Variants in PRDM2 observed in about 807,000 individuals in gnomAD.
The protein encoded by PRDM2 is PR domain zinc finger protein 2.
A neutral mutation model predicts 130.0 loss-of-function variants in PRDM2; 30 were observed. The ratio of observed to expected loss-of-function variants is 0.23; its 90% confidence interval spans 0.17 to 0.31. The LOEUF (loss-of-function observed/expected upper bound fraction) is 0.31, where lower values mean the gene tolerates loss of function less well. PRDM2 is among the 10% of genes least tolerant of loss of function. PRDM2 has a pLI of 1.00. For synonymous variants in PRDM2, 871 were observed against 782.4 expected, an observed-to-expected ratio of 1.11 and a Z score of -1.89; for missense variants, 2,011 against 2,108.4, an observed-to-expected ratio of 0.95 and a Z score of 0.90.
chr1:13,781,717 C>G lies in PRDM2; in HGVS notation c.3922C>G (p.Arg1308Gly). The change falls in exon 8 of 10, where the codon CGT (arginine) becomes GGT (glycine). Residue 1308 changes from arginine to glycine, a missense_variant. Coordinates refer to ENST00000311066, the MANE Select transcript of PRDM2 (RefSeq NM_001393986.1). This position sits in a 1 kb window ranked among gnomAD's most constrained non-coding sequence, Gnocchi z 6.1. ...FKPPPFQYHH[R>G]NPMGIGVTAT... ...ACCACCTCCATTTCAGTACCATCACCGTAACCCCATGGGGATTGGTGTGAC... is the reference window on the plus strand; with the variant it reads ...ACCACCTCCATTTCAGTACCATCACGGTAACCCCATGGGGATTGGTGTGAC... The G allele has an allele frequency of 2.5e-6, 4 of 1,614,170 alleles. No homozygotes were observed. The highest frequency in any genetic ancestry group is 3.4e-6 in the Non-Finnish European group (4 of 1,180,028).
intron 2 of PRDM2, among the ~76,000 whole-genome samples, chr1:13,718,489 G>A (rs1019232848): frequency 6.6e-6 from 1 of 152,176 alleles, no homozygotes; most frequent in African/African-American, 2.4e-5. Context: ...GGACTGTTGC[G>A]CTCAGTTGTA....
intron 6 of PRDM2, among the ~76,000 whole-genome samples, chr1:13,754,121 G>A (rs541837891): frequency 1.1e-3 from 162 of 152,258 alleles, no homozygotes; most frequent in Non-Finnish European, 1.6e-3. Context: ...GAAGTTCTAG[G>A]GGCTGAGGTC....
chr1:13,753,333 T>A lies in PRDM2; in HGVS notation c.511+3846T>A, dbSNP rs1483436176. On this transcript the variant is annotated intron_variant, in intron 6 of 9. Coordinates refer to ENST00000311066, the MANE Select transcript of PRDM2 (RefSeq NM_001393986.1). ...TCAGTTAGTAGGTTCAGATAGTCCT[T>A]CCTAAAAACCGTCAGTAGTGCCTGA... Among the ~76,000 whole-genome samples, 4 of 152,324 alleles carry A rather than the reference T, an allele frequency of 2.6e-5. No individual in the cohort carries two copies. The East Asian group carries it at 7.7e-4, about 29-fold the overall frequency.
chr1:13,823,106 C>T (rs2697969), intron 9 of PRDM2, 53 bp from the exon 10 acceptor site: 1,149,220 of 1,527,838 alleles, frequency 0.75, 433,426 homozygotes, highest in Middle Eastern at 0.79. Context: ...CCACCATGGT[C>T]GGCACTGAAT....
rs557213416 is a variant in PRDM2 at position 13,773,050 on chromosome 1, G to A, written c.512-28G>A. Reference sequence around the variant, plus strand: ...ATGAATAAATAAAAAAAAAATGAATGAATAAATTAAAAAAAATTGTGTTTC... The same window carrying A: ...ATGAATAAATAAAAAAAAAATGAATAAATAAATTAAAAAAAATTGTGTTTC... On this transcript the variant is annotated intron_variant, in intron 6 of 9. Coordinates refer to ENST00000311066, the MANE Select transcript of PRDM2 (RefSeq NM_001393986.1). 3.7e-5 allele frequency: 46 copies of A among 1,258,624 alleles called. 1 individual carries two copies. In the South Asian group the frequency reaches 6.7e-4, roughly 18 times the overall value. The allele number at this position is 1,258,624 out of a possible 1,614,324, so 78.0% of individuals were successfully genotyped here.
intron 8 of PRDM2, among the ~76,000 whole-genome samples, chr1:13,788,453 A>G (rs1283636702): frequency 6.6e-6 from 1 of 152,256 alleles, no homozygotes; most frequent in Non-Finnish European, 1.5e-5. Context: ...AAGTTGTGAC[A>G]TACTCAGTTT....
rs780266899 is a variant in PRDM2 at position 13,780,143 on chromosome 1, C to T, written c.2348C>T (p.Ala783Val). 2.5e-6 allele frequency: 4 copies of T among 1,608,584 alleles called. No homozygotes were observed. Among genetic ancestry groups the T allele is most frequent in the African/African-American group, 2.7e-5 (2 of 74,880 alleles). The change falls in exon 8 of 10, where the codon GCA becomes GTA. Residue 783 changes from alanine to valine, a missense_variant. This residue lies in a region of PRDM2 where 1,288 missense variants were observed against 1,237.7 expected (regional missense o/e 1.04). Transcript: ENST00000311066. ...SKLESHSDSP[A>V]WSLSGRDERE... ...TTAGAAAGTCACAGCGACTCACCAGCATGGAGTTTGTCTGGGAGAGATGAG... is the reference window on the plus strand; with the variant it reads ...TTAGAAAGTCACAGCGACTCACCAGTATGGAGTTTGTCTGGGAGAGATGAG...
chr1:13,701,801 T>C (rs960889849), intron 1 of PRDM2, among the ~76,000 whole-genome samples: 1 of 152,238 alleles, frequency 6.6e-6, no homozygotes, highest in African/African-American at 2.4e-5. Flanking sequence ...TGAAATAAGT[T>C]AATACATTTT....
intron 6 of PRDM2, among the ~76,000 whole-genome samples, chr1:13,752,856 TATC>T: frequency 6.6e-6 from 1 of 152,306 alleles, no homozygotes; most frequent in African/African-American, 2.4e-5. Context: ...TAAAAATGAA[TATC>T]ATCATATCGA....
intron 6 of PRDM2, among the ~76,000 whole-genome samples, chr1:13,762,247 C>G (rs1197208393): frequency 1.3e-5 from 2 of 152,210 alleles, no homozygotes; most frequent in Non-Finnish European, 2.9e-5. Flanking sequence ...GGGATTATTT[C>G]TTGTTAATCA....
chr1:13,762,562 T>A (rs115718893), intron 6 of PRDM2, among the ~76,000 whole-genome samples: 2,231 of 152,264 alleles, frequency 0.015, 26 homozygotes, highest in South Asian at 0.036. Flanking sequence ...CAAGCCCTAG[T>A]CCTCTGTGAG....
At chr1:13,769,985 C>T (rs1447875618) in intron 6 of PRDM2, among the ~76,000 whole-genome samples, 1 of 152,132 alleles carries the variant, frequency 6.6e-6, no homozygotes, top group Non-Finnish European at 1.5e-5. Context: ...AGTTAAACAT[C>T]TTCCAGTGCA....
chr1:13,814,639 C>T (rs1327559662), intron 8 of PRDM2, among the ~76,000 whole-genome samples: 5 of 152,310 alleles, frequency 3.3e-5, no homozygotes, highest in African/African-American at 1.2e-4. Flanking sequence ...GGTAGCAGCA[C>T]CCTTCCCTCA....
chr1:13,704,695 C>G (rs1228345041), intron 1 of PRDM2, among the ~76,000 whole-genome samples: 1 of 152,142 alleles, frequency 6.6e-6, no homozygotes, highest in Non-Finnish European at 1.5e-5. Context: ...CTATTAAGAC[C>G]TATGTTAAAC....
In PRDM2 at chr1:13,803,442, C is replaced by T. The variant is rs1182490323; in HGVS notation, c.5037-12985C>T. Among the ~76,000 whole-genome samples the T allele has an allele frequency of 2.6e-5, 4 of 152,174 alleles. No homozygotes were observed. The highest frequency in any genetic ancestry group is 4.4e-5 in the Non-Finnish European group (3 of 68,040). On this transcript the variant is annotated intron_variant, in intron 8 of 9. Coordinates refer to ENST00000311066, the MANE Select transcript of PRDM2 (RefSeq NM_001393986.1). This position sits in a 1 kb window ranked among gnomAD's most constrained non-coding sequence, Gnocchi z 6.2. ...GGAGCCAGGTGGGTAGAGCCAGTTA[C>T]AGAGATCTGAGTGCCCTCAGCGAGT...
chr1:13,804,905 G>C (rs1221293069), intron 8 of PRDM2, among the ~76,000 whole-genome samples: 1 of 152,186 alleles, frequency 6.6e-6, no homozygotes, highest in Non-Finnish European at 1.5e-5. Flanking sequence ...ACCCCCACCT[G>C]GCTTTGGGAT....
intron 1 of PRDM2, among the ~76,000 whole-genome samples, chr1:13,711,385 G>GAATACA: frequency 6.6e-6 from 1 of 152,008 alleles, no homozygotes; most frequent in Non-Finnish European, 1.5e-5. Flanking sequence ...AGTTGCTTTA[G>GAATACA]TATTCTATTG....
intron 6 of PRDM2, among the ~76,000 whole-genome samples, chr1:13,752,557 CCT>C (rs995693190): frequency 1.1e-4 from 16 of 152,154 alleles, no homozygotes; most frequent in African/African-American, 3.1e-4. Context: ...ATTTCTGTCC[CCT>C]GTTTGTTTTG....
In PRDM2 at chr1:13,803,737, T is replaced by C. The variant is rs1645044684; in HGVS notation, c.5037-12690T>C. ...GGCAGGTTCTCCGGGCCGAGGTCACTGCAGGCCAGGCCGGGCCAGCCTCCC... is the reference window on the plus strand; with the variant it reads ...GGCAGGTTCTCCGGGCCGAGGTCACCGCAGGCCAGGCCGGGCCAGCCTCCC... On this transcript the variant is annotated intron_variant, in intron 8 of 9. Transcript: ENST00000311066. The surrounding 1 kb of genome is among the most constrained non-coding windows in gnomAD (Gnocchi z 6.2). 6.6e-6 allele frequency among the ~76,000 whole-genome samples: 1 copy of C among 152,188 alleles called. No homozygotes were observed. The highest frequency in any genetic ancestry group is 1.5e-5 in the Non-Finnish European group (1 of 68,032).
Sources: allele counts gnomAD v4.1 joint callset (sites outside exome capture counted in the v4.1 genomes callset), GRCh38; gene constraint gnomAD v4.1.1; regional missense constraint gnomAD v4.1.1; non-coding constraint Gnocchi (gnomAD v3.1); transcripts MANE v1.5; gene names NCBI Gene and HGNC (gene_info 2026-07-23, HGNC 2026-07-21).